Variants in DNM3 observed in about 807,000 individuals in gnomAD.
DNM3 encodes dynamin 3.
In DNM3, 47 loss-of-function variants were observed where a neutral mutation model predicts 101.6. That is an observed-to-expected ratio of 0.46 (90% CI 0.37 to 0.59). The LOEUF (loss-of-function observed/expected upper bound fraction) is 0.59. Ranked by LOEUF, DNM3 falls within the 20% of genes least tolerant of loss-of-function variation. The pLI is 0.00. For synonymous variants in DNM3, 385 were observed against 387.9 expected, an observed-to-expected ratio of 0.99 and a Z score of 0.09; for missense variants, 849 against 1,085.7, an observed-to-expected ratio of 0.78 and a Z score of 3.06.
chr1:172,106,922 G>A (rs1277982713), intron 13 of DNM3, among the ~76,000 whole-genome samples: 21 of 128,084 alleles, frequency 1.6e-4, no homozygotes, highest in East Asian at 4.8e-4. Context: ...CTGCAGTGGC[G>A]CAATCTCGGC....
chr1:172,177,579 A>T (rs192703790), intron 14 of DNM3, among the ~76,000 whole-genome samples: 4 of 152,044 alleles, frequency 2.6e-5, no homozygotes, highest in African/African-American at 9.6e-5. Context: ...AAAGGACTTC[A>T]TTACCTGCCT....
chr1:172,267,992 A>G (rs917238054), intron 15 of DNM3, among the ~76,000 whole-genome samples: 3 of 152,166 alleles, frequency 2.0e-5, no homozygotes, highest in Non-Finnish European at 4.4e-5. Context: ...GATTACAGGT[A>G]TGAGCCACGG....
chr1:172,124,755 C>A (rs1014041092), intron 13 of DNM3, among the ~76,000 whole-genome samples: 6 of 152,178 alleles, frequency 3.9e-5, no homozygotes, highest in African/African-American at 1.2e-4. Context: ...CTTCCTAGGC[C>A]TGGCTCTGAC....
At chr1:172,415,915 C>G (rs748473107), downstream of DNM3, among the ~76,000 whole-genome samples, 34 of 152,030 alleles carry the variant, frequency 2.2e-4, no homozygotes, top group Non-Finnish European at 3.5e-4. Context: ...ACCATAAGAC[C>G]AAATTTCAGC....
At chr1:172,198,113 TG>T (rs1270923490) in intron 14 of DNM3, among the ~76,000 whole-genome samples, 1 of 152,150 alleles carries the variant, frequency 6.6e-6, no homozygotes, top group Non-Finnish European at 1.5e-5. Flanking sequence ...GTTTTTAACA[TG>T]AAGGGGTGTT....
chr1:172,055,934 G>C (rs2050570206), intron 10 of DNM3, among the ~76,000 whole-genome samples: 1 of 152,154 alleles, frequency 6.6e-6, no homozygotes, highest in African/African-American at 2.4e-5. Context: ...GAGGTACCGG[G>C]TTCATCTCAC....
intron 15 of DNM3, among the ~76,000 whole-genome samples, chr1:172,268,380 C>A (rs770406609): frequency 1.3e-5 from 2 of 151,926 alleles, no homozygotes; most frequent in African/African-American, 4.8e-5. Context: ...TGTTCTAGTC[C>A]CTCATTGCAA....
chr1:172,418,291 C>T, exon 21 of DNM3: 1 of 1,289,556 alleles, frequency 7.8e-7, no homozygotes, highest in South Asian at 1.2e-5. Context: ...GCGACCCCCT[C>T]CTGCAGTTCC....
intron 12 of DNM3, among the ~76,000 whole-genome samples, chr1:172,089,473 G>A (rs1241615877): frequency 6.6e-6 from 1 of 152,130 alleles, no homozygotes; most frequent in Non-Finnish European, 1.5e-5. Flanking sequence ...TTAAATAAAT[G>A]TTTTGAAATA....
At chr1:171,887,839 G>C (rs1286586094) in intron 1 of DNM3, among the ~76,000 whole-genome samples, 4 of 151,834 alleles carry the variant, frequency 2.6e-5, no homozygotes, top group Admixed American at 6.6e-5. Flanking sequence ...ATTATTTTAA[G>C]GCATCATCTA....
chr1:172,198,384 G>A (rs1210162511), intron 14 of DNM3, among the ~76,000 whole-genome samples: 3 of 151,916 alleles, frequency 2.0e-5, no homozygotes, highest in Non-Finnish European at 4.4e-5. Context: ...TTCTTTTTTT[G>A]TTGTGTCTCT....
chr1:172,345,810 C>G (rs1018936071), intron 17 of DNM3, among the ~76,000 whole-genome samples: 3 of 152,104 alleles, frequency 2.0e-5, no homozygotes, highest in African/African-American at 7.2e-5. Context: ...AACATAACTG[C>G]TATCATCGTT....
chr1:171,965,135 A>G (rs370847694), intron 2 of DNM3, among the ~76,000 whole-genome samples: 16 of 151,538 alleles, frequency 1.1e-4, no homozygotes, highest in Middle Eastern at 3.4e-3. Flanking sequence ...GTGCAATTTG[A>G]CTAGGGGTTC....
intron 11 of DNM3, among the ~76,000 whole-genome samples, chr1:172,075,626 A>G (rs968371995): frequency 6.6e-6 from 1 of 151,880 alleles, no homozygotes; most frequent in African/African-American, 2.4e-5. Flanking sequence ...CTGGTTGTAG[A>G]TGTGTGGCAT....
chr1:172,201,073 C>G (rs963595981), intron 14 of DNM3, among the ~76,000 whole-genome samples: 2 of 152,050 alleles, frequency 1.3e-5, no homozygotes, highest in African/African-American at 4.8e-5. Context: ...CAGGCTGAGG[C>G]TTTGTGCAAG....
intron 15 of DNM3, among the ~76,000 whole-genome samples, chr1:172,294,566 CA>C (rs1439803132): frequency 6.6e-6 from 1 of 152,072 alleles, no homozygotes; most frequent in Non-Finnish European, 1.5e-5. Context: ...GCTTTACTAC[CA>C]ACTTTACAGG....
At chr1:171,915,042 A>T (rs935276932) in intron 1 of DNM3, among the ~76,000 whole-genome samples, 1 of 152,206 alleles carries the variant, frequency 6.6e-6, no homozygotes, top group African/African-American at 2.4e-5. Context: ...ACAGAGACTT[A>T]CACTAGAGGA....
chr1:172,416,425 G>A (rs1296936643), downstream of DNM3, among the ~76,000 whole-genome samples: 1 of 152,176 alleles, frequency 6.6e-6, no homozygotes, highest in African/African-American at 2.4e-5. Flanking sequence ...GCAATGACAG[G>A]AAGGGTAGAT....
intron 1 of DNM3, among the ~76,000 whole-genome samples, chr1:171,915,125 C>T (rs558819184): frequency 6.6e-6 from 1 of 152,314 alleles, no homozygotes; most frequent in South Asian, 2.1e-4. Flanking sequence ...GTAGTAGACA[C>T]ATAATGCACA....
Sources: gnomAD v4.1 joint callset for allele counts (sites outside exome capture counted in the v4.1 genomes callset) on GRCh38, gnomAD v4.1.1 for gene constraint, MANE v1.5 for transcripts, NCBI Gene and HGNC (gene_info 2026-07-23, HGNC 2026-07-21) for gene names.